Variants in CNPY1 observed in about 807,000 individuals in gnomAD.
CNPY1 encodes protein canopy homolog 1.
A neutral mutation model predicts 14.4 loss-of-function variants in CNPY1; 14 were observed. The observed-to-expected ratio is 0.97, with a 90% CI of 0.64 to 1.52. The LOEUF is 1.52. CNPY1 is among the 40% of genes most tolerant of loss of function. The pLI is 0.00. For missense variants in CNPY1, 129 were observed against 131.5 expected (o/e 0.98, Z 0.09); for synonymous variants, 43 against 46.5 (o/e 0.92, Z 0.31).
intron 2 of CNPY1, among the ~76,000 whole-genome samples, chr7:155,519,678 A>G (rs564121572): frequency 1.3e-5 from 2 of 152,336 alleles, no homozygotes; most frequent in South Asian, 4.1e-4. Flanking sequence ...TTCCTGTTAA[A>G]TAAAATCTTT....
At chr7:155,540,940 CCT>C (rs1223716506) in intron 2 of CNPY1, among the ~76,000 whole-genome samples, 3 of 152,102 alleles carry the variant, frequency 2.0e-5, no homozygotes, top group Non-Finnish European at 2.9e-5. Context: ...GCTGTGTTGC[CCT>C]GTTTTAGGAA....
intron 2 of CNPY1, among the ~76,000 whole-genome samples, chr7:155,533,137 T>C (rs979329179): frequency 6.6e-6 from 1 of 152,232 alleles, no homozygotes; most frequent in Non-Finnish European, 1.5e-5. Context: ...TGACAACATC[T>C]GCGTGGCTCA....
intron 2 of CNPY1, among the ~76,000 whole-genome samples, chr7:155,544,231 C>T (rs538366509): frequency 2.1e-4 from 32 of 152,354 alleles, no homozygotes; most frequent in African/African-American, 7.7e-4. Flanking sequence ...TGACTCCCCC[C>T]GCTCTCATCA....
In CNPY1 at chr7:155,545,895, C is replaced by G; in HGVS notation, c.35G>C (p.Arg12Pro). Reference sequence around the variant, plus strand: ...GGATCCCACCTTGGTCTTCTTCTGCCGAGCCTTGGTGATGTCGTGCTCTAT... The same window carrying G: ...GGATCCCACCTTGGTCTTCTTCTGCGGAGCCTTGGTGATGTCGTGCTCTAT... ...DEIEHDITKARQKKTKVGSFR... is the reference protein window; with the variant it reads ...DEIEHDITKAPQKKTKVGSFR... Residue 12 changes from arginine to proline, a missense_variant, in exon 2 of 5, where the codon CGG becomes CCG. Transcript: ENST00000636446. 1 of 398,654 alleles carries G rather than the reference C, an allele frequency of 2.5e-6. No homozygotes were observed. The highest frequency in any genetic ancestry group is 2.1e-5 in the African/African-American group (1 of 48,750). The allele number at this position is 398,654 out of a possible 1,614,324, so 24.7% of individuals were successfully genotyped here.
intron 2 of CNPY1, among the ~76,000 whole-genome samples, chr7:155,523,654 C>T (rs751195448): frequency 1.3e-5 from 2 of 152,192 alleles, no homozygotes; most frequent in African/African-American, 2.4e-5. Flanking sequence ...GCCCATCAGC[C>T]TCATGGACTT....
intron 2 of CNPY1, among the ~76,000 whole-genome samples, chr7:155,541,305 G>T (rs1797081564): frequency 6.6e-6 from 1 of 152,234 alleles, no homozygotes; most frequent in Non-Finnish European, 1.5e-5. Context: ...TTCTCAAGGA[G>T]AATGGCACTA....
At chr7:155,524,303 CAAAA>C (rs1181618062) in intron 2 of CNPY1, among the ~76,000 whole-genome samples, 3 of 152,230 alleles carry the variant, frequency 2.0e-5, no homozygotes, top group Non-Finnish European at 4.4e-5. Context: ...ATACGAATGA[CAAAA>C]GAAGAACTTT....
intron 2 of CNPY1, among the ~76,000 whole-genome samples, chr7:155,513,880 T>C (rs1178419115): frequency 6.6e-6 from 1 of 152,280 alleles, no homozygotes; most frequent in African/African-American, 2.4e-5. Context: ...TTAAAACGTA[T>C]TCTGCCAGTT....
intron 2 of CNPY1, among the ~76,000 whole-genome samples, chr7:155,539,272 A>G (rs1797057925): frequency 6.6e-6 from 1 of 152,244 alleles, no homozygotes. Context: ...CATCTGCTAT[A>G]GTGGCTTCCA....
At chr7:155,516,535 G>A (rs920063878) in intron 2 of CNPY1, among the ~76,000 whole-genome samples, 11 of 151,408 alleles carry the variant, frequency 7.3e-5, no homozygotes, top group African/African-American at 2.7e-4. Context: ...GCTGCGGTAT[G>A]ACCAGGAGAC....
At chr7:155,528,544 G>A (rs967647784) in intron 2 of CNPY1, among the ~76,000 whole-genome samples, 1 of 152,216 alleles carries the variant, frequency 6.6e-6, no homozygotes, top group Non-Finnish European at 1.5e-5. Flanking sequence ...CAGAGGGTGG[G>A]TGGGTAGACA....
intron 3 of CNPY1, 76 bp from the exon 4 acceptor site, chr7:155,507,192 AATTT>A: frequency 1.1e-6 from 1 of 870,310 alleles, no homozygotes; most frequent in South Asian, 1.4e-5. Flanking sequence ...ACTTTGCAAC[AATTT>A]ATTAGCTAAA....
chr7:155,508,871 C>T, intron 3 of CNPY1, 23 bp downstream of exon 3: 3 of 1,610,762 alleles, frequency 1.9e-6, no homozygotes, highest in East Asian at 2.2e-5. Context: ...TCATACGATT[C>T]ATCTGCAAGG....
chr7:155,504,488 C>T (rs930252778), intron 4 of CNPY1, among the ~76,000 whole-genome samples: 1 of 151,908 alleles, frequency 6.6e-6, no homozygotes, highest in Non-Finnish European at 1.5e-5. Flanking sequence ...AGAAAAAAAG[C>T]GAAACTCATA....
chr7:155,521,694 G>T (rs1336023121), intron 2 of CNPY1, among the ~76,000 whole-genome samples: 1 of 152,266 alleles, frequency 6.6e-6, no homozygotes, highest in Non-Finnish European at 1.5e-5. Context: ...ACATGAAAAT[G>T]ATGTGAAATT....
At chr7:155,542,387 G>A (rs1797094776) in intron 2 of CNPY1, among the ~76,000 whole-genome samples, 1 of 152,160 alleles carries the variant, frequency 6.6e-6, no homozygotes, top group Admixed American at 6.5e-5. Context: ...GCGGGCGTAG[G>A]GAGCCAAGGA....
chr7:155,527,054 C>CTTTCTTTTT (rs56296833), intron 2 of CNPY1, among the ~76,000 whole-genome samples: 8 of 90,340 alleles, frequency 8.9e-5, no homozygotes, highest in African/African-American at 2.5e-4. Flanking sequence ...TTCTTTCTTT[C>CTTTCTTTTT]TTTTTTTTTT....
At chr7:155,510,355 C>T (rs1796498865) in intron 2 of CNPY1, 1 of 152,090 alleles carries the variant, frequency 6.6e-6, no homozygotes. Flanking sequence ...AGCATCGCCA[C>T]CGGCGCCCCC....
At chr7:155,503,933 C>G (rs189133652) in intron 4 of CNPY1, among the ~76,000 whole-genome samples, 2 of 152,270 alleles carry the variant, frequency 1.3e-5, no homozygotes, top group African/African-American at 4.8e-5. Flanking sequence ...CCTTGAGTGG[C>G]ACAGAGCTGC....
Sources: gnomAD v4.1 joint callset for allele counts (sites outside exome capture counted in the v4.1 genomes callset) on GRCh38, gnomAD v4.1.1 for gene constraint, MANE v1.5 for transcripts, NCBI Gene and HGNC (gene_info 2026-07-23, HGNC 2026-07-21) for gene names.